NTNG1: variants seen among roughly 807,000 people sequenced by gnomAD.
NTNG1 encodes the protein netrin-G1.
Under a neutral mutation model 54.0 loss-of-function variants are expected in NTNG1, and 16 were observed. That is an observed-to-expected ratio of 0.30 (90% CI 0.20 to 0.45). The LOEUF is 0.45. Ranked by LOEUF, NTNG1 falls within the 20% of genes least tolerant of loss-of-function variation. The pLI is 1.00. For synonymous variants in NTNG1, 255 were observed against 263.1 expected (o/e 0.97, Z 0.30); for missense variants, 530 against 678.7 (o/e 0.78, Z 2.43).
intron 3 of NTNG1, among the ~76,000 whole-genome samples, chr1:107,374,572 TA>T (rs1164477133): frequency 1.3e-5 from 2 of 152,076 alleles, no homozygotes; most frequent in East Asian, 3.8e-4. Flanking sequence ...TTGGGTCTTT[TA>T]AAAATATATA....
chr1:107,412,839 G>A (rs956674920), intron 5 of NTNG1, among the ~76,000 whole-genome samples: 1 of 152,176 alleles, frequency 6.6e-6, no homozygotes, highest in South Asian at 2.1e-4. Context: ...GGAACAGTTT[G>A]TGAAATTAGC....
In NTNG1 at chr1:107,165,745, C is replaced by T. The variant is rs147442531; in HGVS notation, c.246+16906C>T. On this transcript the variant is annotated intron_variant, in intron 2 of 7. Coordinates refer to ENST00000370068, the MANE Select transcript of NTNG1 (RefSeq NM_001113226.3). ...TCACTCTTTCATTTTAATTATTGTC[C>T]GTCAATAATCTTTTCTGCCACATTT... Among the ~76,000 whole-genome samples, 18 of 152,166 alleles carry T rather than the reference C, an allele frequency of 1.2e-4. No individual in the cohort carries two copies. The East Asian group carries it at 3.1e-3, about 26-fold the overall frequency.
Position 107,481,102 on chromosome 1 carries a change from T to A in NTNG1, c.*262T>A, listed in dbSNP as rs191595194. ...ATCACATTGCCAGCTGCAGAGCATATTGTGGATTGGAAAGGCTGCGACAGC... is the reference window on the plus strand; with the variant it reads ...ATCACATTGCCAGCTGCAGAGCATAATGTGGATTGGAAAGGCTGCGACAGC... On this transcript the variant is annotated 3_prime_UTR_variant, in exon 8 of 8. Transcript: ENST00000370068. The A allele has an allele frequency of 2.1e-6, 1 of 470,514 alleles. No individual in the cohort carries two copies. Among genetic ancestry groups the A allele is most frequent in the East Asian group, 3.1e-5 (1 of 32,112 alleles). 29.1% of individuals were successfully genotyped at this position (470,514 alleles called of 1,614,324 possible). A position where few individuals can be genotyped will look rare whatever the true frequency, so the allele number is the denominator to read the frequency against.
intron 2 of NTNG1, among the ~76,000 whole-genome samples, chr1:107,303,847 T>C (rs1238055718): frequency 3.9e-5 from 6 of 152,060 alleles, no homozygotes; most frequent in African/African-American, 9.7e-5. Context: ...CCACCACACC[T>C]GGCTAATTTT....
chr1:107,243,272 G>A (rs1661964746), intron 2 of NTNG1, among the ~76,000 whole-genome samples: 1 of 152,168 alleles, frequency 6.6e-6, no homozygotes, highest in Non-Finnish European at 1.5e-5. Flanking sequence ...AAGAGGAAAA[G>A]TGACCCAAAA....
chr1:107,242,587 G>A (rs1416151854), intron 2 of NTNG1, among the ~76,000 whole-genome samples: 1 of 152,190 alleles, frequency 6.6e-6, no homozygotes, highest in Non-Finnish European at 1.5e-5. Context: ...TCCTACACTT[G>A]TGGTCTACAA....
intron 7 of NTNG1, chr1:107,460,429 A>G (rs879198805): frequency 3.9e-6 from 2 of 518,752 alleles, no homozygotes; most frequent in South Asian, 2.8e-5. Flanking sequence ...CACTTTGGGA[A>G]AACTTTGGCA....
intron 3 of NTNG1, among the ~76,000 whole-genome samples, chr1:107,338,509 G>C (rs1006227786): frequency 6.6e-6 from 1 of 151,900 alleles, no homozygotes; most frequent in Non-Finnish European, 1.5e-5. Flanking sequence ...CTCTTAAGTA[G>C]TAACTGGATC....
intron 2 of NTNG1, among the ~76,000 whole-genome samples, chr1:107,214,929 T>C (rs878949238): frequency 6.6e-6 from 1 of 152,036 alleles, no homozygotes; most frequent in African/African-American, 2.4e-5. Context: ...TTGTATATAT[T>C]TTTTTGATAA....
rs953528627 is a variant in NTNG1, at chr1:107,191,859, C to T, written c.246+43020C>T. On this transcript the variant is annotated intron_variant, in intron 2 of 7. Coordinates refer to ENST00000370068, the MANE Select transcript of NTNG1 (RefSeq NM_001113226.3). The stretch of plus-strand genomic sequence containing the variant: ...TGTAGTATAGTTTGAAGTCAGGTAG[C>T]ATGATGCCTCCAGCTTTGTTCTTTT... Among the ~76,000 whole-genome samples the T allele has an allele frequency of 5.9e-5, 9 of 152,008 alleles. No individual in the cohort carries two copies. In the East Asian group the frequency reaches 1.6e-3, roughly 26 times the overall value.
intron 3 of NTNG1, among the ~76,000 whole-genome samples, chr1:107,363,213 A>G (rs1376189843): frequency 2.0e-5 from 3 of 152,212 alleles, no homozygotes; most frequent in Non-Finnish European, 2.9e-5. Flanking sequence ...TGGAGAAATG[A>G]CAGGGCTTAT....
At chr1:107,348,182 G>A (rs1214679680) in intron 3 of NTNG1, among the ~76,000 whole-genome samples, 1 of 152,022 alleles carries the variant, frequency 6.6e-6, no homozygotes, top group Non-Finnish European at 1.5e-5. Context: ...CTGGAGTGCA[G>A]TGGCATGGTC....
intron 2 of NTNG1, among the ~76,000 whole-genome samples, chr1:107,306,859 T>C (rs1434390412): frequency 6.6e-6 from 1 of 152,240 alleles, no homozygotes; most frequent in Admixed American, 6.5e-5. Context: ...TTAGCTACTT[T>C]AATCTATCTG....
chr1:107,234,297 A>G (rs930011967), intron 2 of NTNG1, among the ~76,000 whole-genome samples: 1 of 151,932 alleles, frequency 6.6e-6, no homozygotes, highest in Non-Finnish European at 1.5e-5. Context: ...TAATTTTTAT[A>G]TTTTTAGTAG....
rs768134558 is a variant in NTNG1, at chr1:107,395,238, A to G, written c.972A>G (p.Pro324=). 5.0e-6 allele frequency: 8 copies of G among 1,613,646 alleles called. No individual in the cohort carries two copies. In the East Asian group the frequency reaches 1.6e-4, roughly 31 times the overall value. ...TCECEHNTTG[P]DCGKCKKNYQ... ...AATGTGAGCACAACACTACAGGTCC[A>G]GACTGTGGGAAATGCAAGAAGAATT... Residue 324 remains proline, a synonymous_variant, in exon 4 of 8, where the codon CCA becomes CCG. Transcript: ENST00000370068.
At chr1:107,236,532 A>G (rs1661426283) in intron 2 of NTNG1, among the ~76,000 whole-genome samples, 1 of 152,160 alleles carries the variant, frequency 6.6e-6, no homozygotes, top group African/African-American at 2.4e-5. Context: ...AATAGAAAAG[A>G]TTGCTTAAAG....
rs1019112346 is a variant in NTNG1, at chr1:107,484,593, C to T, written c.*3753C>T. Among the ~76,000 whole-genome samples, 1 of 152,168 alleles carries T rather than the reference C, an allele frequency of 6.6e-6. No homozygotes were observed. Among genetic ancestry groups the T allele is most frequent in the African/African-American group, 2.4e-5 (1 of 41,442 alleles). On this transcript the variant is annotated 3_prime_UTR_variant, in exon 8 of 8. Transcript: ENST00000370068. ...CTAACCACATAACACAAAGAAAGGT[C>T]CAGGTTGGAAGAAGGCGTCTGCTCC...
At chr1:107,299,954 T>C (rs948507263) in intron 2 of NTNG1, among the ~76,000 whole-genome samples, 4 of 152,174 alleles carry the variant, frequency 2.6e-5, no homozygotes, top group African/African-American at 9.7e-5. Context: ...AGAGAGATTG[T>C]TGGCTGTTGG....
chr1:107,195,906 G>A (rs1332279252), intron 2 of NTNG1, among the ~76,000 whole-genome samples: 1 of 151,894 alleles, frequency 6.6e-6, no homozygotes, highest in Non-Finnish European at 1.5e-5. Flanking sequence ...CACCTCATGT[G>A]CTCCTTTGCT....
Sources: allele counts gnomAD v4.1 joint callset (sites outside exome capture counted in the v4.1 genomes callset), GRCh38; gene constraint gnomAD v4.1.1; transcripts MANE v1.5; gene names NCBI Gene and HGNC (gene_info 2026-07-23, HGNC 2026-07-21).